The following PRUNE2 variants were observed in gnomAD, a reference collection of about 807,000 sequenced individuals.
PRUNE2 encodes prune homolog 2 with BCH domain.
Under a neutral mutation model 252.0 loss-of-function variants are expected in PRUNE2, and 164 were observed. That is an observed-to-expected ratio of 0.65 (90% CI 0.57 to 0.74). PRUNE2 has a LOEUF of 0.74. Ranked by LOEUF, PRUNE2 falls within the 30% of genes least tolerant of loss-of-function variation. The pLI is 0.00. For missense variants in PRUNE2, 3,495 were observed against 3,711.0 expected, an observed-to-expected ratio of 0.94 and a Z score of 1.51; for synonymous variants, 1,292 against 1,350.2, an observed-to-expected ratio of 0.96 and a Z score of 0.94.
chr9:76,686,815 C>A (rs1358402680), intron 9 of PRUNE2, among the ~76,000 whole-genome samples: 1 of 152,168 alleles, frequency 6.6e-6, no homozygotes, highest in African/African-American at 2.4e-5. Flanking sequence ...CTAGGCTGGT[C>A]TCAAACTCTT....
chr9:76,718,859 G>A (rs724017), intron 6 of PRUNE2, among the ~76,000 whole-genome samples: 33,326 of 151,958 alleles, frequency 0.22, 4,108 homozygotes, highest in East Asian at 0.57. Context: ...TGGCACCACC[G>A]TCTACCCAGT....
intron 6 of PRUNE2, among the ~76,000 whole-genome samples, chr9:76,768,251 G>A (rs1321262169): frequency 6.6e-6 from 1 of 151,970 alleles, no homozygotes; most frequent in Non-Finnish European, 1.5e-5. Context: ...GGAGTGCAGT[G>A]GTGCGATCTC....
chr9:76,744,770 G>A (rs1273862710), intron 6 of PRUNE2, among the ~76,000 whole-genome samples: 1 of 152,146 alleles, frequency 6.6e-6, no homozygotes, highest in Admixed American at 6.5e-5. Flanking sequence ...TCATCCCAGG[G>A]GAGCTTGCAG....
rs764990212 is a variant in PRUNE2 at position 76,823,681 on chromosome 9, G to A, written c.707C>T (p.Ser236Leu). ...AATGGCCACTTTTATTTCTCCATCT[G>A]ACAGCTCCTTTAGATCTTTCAACAT... ...QTMLKDLKEL[S>L]DGEIKVAIST... The change falls in exon 6 of 19, where the codon TCA (serine) becomes TTA (leucine). Residue 236 changes from serine (S) to leucine (L), a missense_variant. Ser to Leu is a moderately radical substitution (Grantham distance 145, BLOSUM62 -2). Transcript: ENST00000376718. 3.9e-5 allele frequency: 63 copies of A among 1,611,818 alleles called. No individual in the cohort carries two copies. The highest frequency in any genetic ancestry group is 5.0e-5 in the Admixed American group (3 of 59,968).
chr9:76,814,935 C>T (rs2057588638), intron 6 of PRUNE2, among the ~76,000 whole-genome samples: 1 of 152,190 alleles, frequency 6.6e-6, no homozygotes, highest in South Asian at 2.1e-4. Context: ...CCATAGTTTT[C>T]CTCCTTTCTA....
At chr9:76,664,741 A>G (rs1305136900) in intron 9 of PRUNE2, among the ~76,000 whole-genome samples, 1 of 152,100 alleles carries the variant, frequency 6.6e-6, no homozygotes, top group Non-Finnish European at 1.5e-5. Context: ...TCCAACTCCC[A>G]GGCTCAAGTG....
chr9:76,635,565 G>A (rs1839705491), intron 15 of PRUNE2, among the ~76,000 whole-genome samples: 1 of 151,838 alleles, frequency 6.6e-6, no homozygotes, highest in Non-Finnish European at 1.5e-5. Context: ...TTGGAAGTGG[G>A]GAATAAGAAT....
At chr9:76,683,131 C>A (rs10119188) in intron 9 of PRUNE2, among the ~76,000 whole-genome samples, 2,076 of 152,338 alleles carry the variant, frequency 0.014, 43 homozygotes, top group African/African-American at 0.047. Context: ...AATTTCCTTT[C>A]CCGTCAGAGA....
chr9:76,705,182 ATCT>A lies in PRUNE2; in HGVS notation c.7089_7091del (p.Glu2363del). The A allele has an allele frequency of 1.2e-6, 2 of 1,613,982 alleles. No individual in the cohort carries two copies. The highest frequency in any genetic ancestry group is 1.7e-6 in the Non-Finnish European group (2 of 1,179,882). On this transcript the variant is annotated inframe_deletion, in exon 8 of 19. Transcript: ENST00000376718. ...GGAAGTGTTCAGGCTCTCTCAGTAA[ATCT>A]TCATCGATATTCTGGCCCATTACAT...
At chr9:76,646,571 C>T (rs1488935571) in intron 11 of PRUNE2, among the ~76,000 whole-genome samples, 2 of 151,464 alleles carry the variant, frequency 1.3e-5, no homozygotes, top group Non-Finnish European at 2.9e-5. Context: ...TTGTGCAAAT[C>T]CACCCATCTC....
chr9:76,702,084 G>A (rs2045932067), intron 9 of PRUNE2, among the ~76,000 whole-genome samples: 2 of 150,728 alleles, frequency 1.3e-5, no homozygotes, highest in Non-Finnish European at 2.9e-5. Flanking sequence ...TTTTGAGACG[G>A]AGTCTGGCTC....
At chr9:76,885,029 C>T (rs891167077) in intron 1 of PRUNE2, among the ~76,000 whole-genome samples, 1 of 152,228 alleles carries the variant, frequency 6.6e-6, no homozygotes, top group African/African-American at 2.4e-5. Flanking sequence ...CTGGTTTTCA[C>T]AGCGGCCAAT....
chr9:76,882,654 G>C (rs935469963), intron 1 of PRUNE2, among the ~76,000 whole-genome samples: 1 of 152,122 alleles, frequency 6.6e-6, no homozygotes, highest in Admixed American at 6.6e-5. Flanking sequence ...GACTTTAAAA[G>C]GACCAAATCT....
At chr9:76,807,051 T>TGTGTGTGTGTGCGC (rs60768420) in intron 6 of PRUNE2, among the ~76,000 whole-genome samples, 37 of 139,456 alleles carry the variant, frequency 2.7e-4, no homozygotes, top group South Asian at 4.5e-4. Flanking sequence ...TGTGTGTGTG[T>TGTGTGTGTGTGCGC]GCGCGCGCGC....
intron 6 of PRUNE2, among the ~76,000 whole-genome samples, chr9:76,774,460 T>TATTTATTTATTTATTTTTTTA (rs1564272674): frequency 2.2e-5 from 3 of 138,662 alleles, no homozygotes; most frequent in East Asian, 4.1e-4. Flanking sequence ...CTTTTTTTTT[T>TATTTATTTATTTATTTTTTTA]TTTTTTTTTT....
intron 1 of PRUNE2, among the ~76,000 whole-genome samples, chr9:76,879,012 G>A (rs767560204): frequency 1.3e-5 from 2 of 152,054 alleles, no homozygotes; most frequent in Non-Finnish European, 2.9e-5. Context: ...TACCCCAGTC[G>A]ACCCTCACAA....
At position 76,838,018 on chromosome 9, in the gene PRUNE2, G is replaced by A. The variant is rs545776138; in HGVS notation, c.508+8497C>T. 3.2e-3 allele frequency among the ~76,000 whole-genome samples: 480 copies of A among 151,992 alleles called. 8 individuals carry two copies. Among genetic ancestry groups the A allele is most frequent in the East Asian group, 1.8e-3 (9 of 5,136 alleles). On this transcript the variant is annotated intron_variant, in intron 4 of 18. Transcript: ENST00000376718. ...GATCTCCTGACCTCGTGATCTGCCC[G>A]CCTCAGCCTCCCAAAATGCTGGGAT...
chr9:76,708,605 G>A lies in PRUNE2; in HGVS notation c.3669C>T (p.Val1223=). 1 of 1,613,910 alleles carries A rather than the reference G, an allele frequency of 6.2e-7. No individual in the cohort carries two copies. The highest frequency in any genetic ancestry group is 1.1e-5 in the South Asian group (1 of 91,084). The change falls in exon 8 of 19, where the codon GTC becomes GTT. Residue 1223 remains valine (V), a synonymous_variant. Transcript: ENST00000376718. The part of the protein sequence containing the change: ...QLIANSIWDS[V]MRDKDMSSFM... ...ATGATGACATGTCTTTATCTCTCAT[G>A]ACAGAATCCCAAATACTGTTTGCAA...
At chr9:76,841,269 A>G (rs1456205517) in intron 4 of PRUNE2, among the ~76,000 whole-genome samples, 1 of 152,178 alleles carries the variant, frequency 6.6e-6, no homozygotes, top group African/African-American at 2.4e-5. Flanking sequence ...GCCATGAGGA[A>G]CGGGGCATTC....
Sources: allele counts gnomAD v4.1 joint callset (sites outside exome capture counted in the v4.1 genomes callset), GRCh38; gene constraint gnomAD v4.1.1; transcripts MANE v1.5; gene names NCBI Gene and HGNC (gene_info 2026-07-23, HGNC 2026-07-21).